Variants in PCGF3 observed in about 807,000 individuals in gnomAD.
PCGF3 encodes polycomb group RING finger protein 3.
Under a neutral mutation model 33.1 loss-of-function variants are expected in PCGF3, and 7 were observed. The ratio of observed to expected loss-of-function variants is 0.21; its 90% CI spans 0.12 to 0.40. The LOEUF (loss-of-function observed/expected upper bound fraction) is 0.40. Among genes scored for constraint, PCGF3 ranks in the 10% least tolerant of loss-of-function variants. The probability of loss-of-function intolerance (pLI) is 1.00; values close to 1 mark genes in which losing one functional copy is unlikely to be tolerated. For synonymous variants in PCGF3, 153 were observed against 121.3 expected (o/e 1.26, Z -1.72); for missense variants, 211 against 313.3 (o/e 0.67, Z 2.46).
intron 9 of PCGF3, 90 bp from the exon 10 acceptor site, chr4:764,894 G>A: frequency 1.2e-6 from 1 of 825,496 alleles, no homozygotes; most frequent in Non-Finnish European, 2.1e-6. Context: ...GATTGGGGAG[G>A]GGCTGCAGAT....
At chr4:766,009 C>G (rs1394142561) in intron 10 of PCGF3, 23 bp from the exon 11 acceptor site, 1 of 1,612,900 alleles carries the variant, frequency 6.2e-7, no homozygotes, top group Non-Finnish European at 8.5e-7. Context: ...TAAGCAGGCA[C>G]TGTGCGTTCT....
rs1468496596 is a variant in PCGF3, at chr4:720,309, C to T, written c.-189-10321C>T. Among the ~76,000 whole-genome samples the T allele has an allele frequency of 1.3e-5, 2 of 151,878 alleles. No homozygotes were observed. Among genetic ancestry groups the T allele is most frequent in the African/African-American group, 2.4e-5 (1 of 41,356 alleles). ...GCGGGAGGAGTGCCCGCCCATGCATCGCTGGGGAGGGTGACTGCGGGAGGA... is the reference window on the plus strand; with the variant it reads ...GCGGGAGGAGTGCCCGCCCATGCATTGCTGGGGAGGGTGACTGCGGGAGGA... On this transcript the variant is annotated intron_variant, in intron 1 of 10. Transcript: ENST00000362003. The surrounding 1 kb of genome is among the most constrained non-coding windows in gnomAD (Gnocchi z 5.6).
At chr4:739,536 C>T (rs1472221857) in intron 6 of PCGF3, among the ~76,000 whole-genome samples, 3 of 152,236 alleles carry the variant, frequency 2.0e-5, no homozygotes, top group Non-Finnish European at 2.9e-5. Context: ...ACCACTGACT[C>T]ACGGGCCTCC....
At chr4:762,481 C>G (rs73222811) in intron 9 of PCGF3, 1 of 152,190 alleles carries the variant, frequency 6.6e-6, no homozygotes, top group Non-Finnish European at 1.5e-5. Flanking sequence ...GAGTTAGGGC[C>G]TGGGGGAGGC....
chr4:715,064 G>A (rs1742751305), intron 1 of PCGF3, among the ~76,000 whole-genome samples: 1 of 149,210 alleles, frequency 6.7e-6, no homozygotes, highest in Admixed American at 6.7e-5. Context: ...TAGACACTGA[G>A]TGTGAGAACT....
At chr4:748,439 G>C (rs1184378754) in intron 8 of PCGF3, among the ~76,000 whole-genome samples, 1 of 152,170 alleles carries the variant, frequency 6.6e-6, no homozygotes, top group Non-Finnish European at 1.5e-5. Context: ...GCCCGCCTCA[G>C]CCTCCCAAAG....
chr4:752,471 C>T (rs1227882281), intron 8 of PCGF3, among the ~76,000 whole-genome samples: 1 of 152,218 alleles, frequency 6.6e-6, no homozygotes, highest in Non-Finnish European at 1.5e-5. Flanking sequence ...TGCACGGCCA[C>T]AGCTGTTCCG....
chr4:764,801 A>C, intron 9 of PCGF3, 183 bp from the exon 10 acceptor site: 1 of 575,098 alleles, frequency 1.7e-6, no homozygotes, highest in South Asian at 2.0e-5. Flanking sequence ...TAGGGACCAC[A>C]CTCCATCTCT....
At chr4:753,497 A>G (rs1397953985) in intron 8 of PCGF3, among the ~76,000 whole-genome samples, 2 of 152,156 alleles carry the variant, frequency 1.3e-5, no homozygotes, top group East Asian at 3.9e-4. Context: ...TACTAAAAAT[A>G]CAAAAAATTA....
At chr4:735,172 C>A in intron 5 of PCGF3, 145 bp downstream of exon 5, 3 of 886,028 alleles carry the variant, frequency 3.4e-6, no homozygotes, top group Non-Finnish European at 5.1e-6. Flanking sequence ...CCAGGAGCTG[C>A]ACACGAAGAA....
chr4:708,701 G>T (rs1051528871), intron 1 of PCGF3, among the ~76,000 whole-genome samples: 10 of 152,120 alleles, frequency 6.6e-5, no homozygotes, highest in Admixed American at 6.6e-4. Context: ...AACCCCTCCT[G>T]CCCCTCTCCC....
intron 1 of PCGF3, among the ~76,000 whole-genome samples, chr4:728,180 C>A (rs10028398): frequency 0.037 from 5,565 of 152,290 alleles, 363 homozygotes; most frequent in African/African-American, 0.13. Context: ...CGGCCAGCTC[C>A]CCCGAATCCA....
chr4:717,568 C>T lies in PCGF3; in HGVS notation c.-190+11598C>T, dbSNP rs187529452. ...CTAATTTTTGTATTTATATTAGCGACGGGGTTTCACTGTATTGGCCAAGCT... is the reference window on the plus strand; with the variant it reads ...CTAATTTTTGTATTTATATTAGCGATGGGGTTTCACTGTATTGGCCAAGCT... On this transcript the variant is annotated intron_variant, in intron 1 of 10. Transcript: ENST00000362003. Among the ~76,000 whole-genome samples, 63 of 152,234 alleles carry T rather than the reference C, an allele frequency of 4.1e-4. No homozygotes were observed. In the East Asian group the frequency reaches 7.1e-3, roughly 17 times the overall value.
chr4:716,874 G>A (rs557365534), intron 1 of PCGF3, among the ~76,000 whole-genome samples: 1 of 147,174 alleles, frequency 6.8e-6, no homozygotes, highest in South Asian at 2.2e-4. Context: ...TGAGAACTGG[G>A]CGTCGGTGCT....
At chr4:731,180 G>T in intron 3 of PCGF3, 70 bp downstream of exon 3, 1 of 398,516 alleles carries the variant, frequency 2.5e-6, no homozygotes, top group Non-Finnish European at 4.4e-6. Context: ...TGGTTGTGGC[G>T]AGGGCCGGCG....
rs538361259 is a variant in PCGF3, at chr4:720,574, C to T, written c.-189-10056C>T. Among the ~76,000 whole-genome samples, 1 of 148,558 alleles carries T rather than the reference C, an allele frequency of 6.7e-6. No individual in the cohort carries two copies. Among genetic ancestry groups the T allele is most frequent in the East Asian group, 2.0e-4 (1 of 4,990 alleles). ...GGACGCAGCCCCGACGTGAACAGGA[C>T]CCCACGTGGACGGGCAGTGACGTGC... On this transcript the variant is annotated intron_variant, in intron 1 of 10. Coordinates refer to ENST00000362003, the Ensembl canonical transcript of PCGF3. The surrounding 1 kb of genome is among the most constrained non-coding windows in gnomAD (Gnocchi z 5.6).
At chr4:714,387 C>T (rs1022842399) in intron 1 of PCGF3, among the ~76,000 whole-genome samples, 2 of 152,198 alleles carry the variant, frequency 1.3e-5, no homozygotes, top group Admixed American at 1.3e-4. Context: ...TGAGCGGCTC[C>T]GGACAGGAGC....
chr4:768,589 A>G (rs546816084), exon 11 of PCGF3: 37 of 152,320 alleles, frequency 2.4e-4, no homozygotes, highest in African/African-American at 8.4e-4. Flanking sequence ...CAGTGGGGCT[A>G]ATTACCCGGA....
At chr4:742,266 G>A (rs12502944) in intron 6 of PCGF3, among the ~76,000 whole-genome samples, 30,817 of 151,196 alleles carry the variant, frequency 0.2, 3,665 homozygotes, top group Middle Eastern at 0.27. Flanking sequence ...CCAGGCTCAC[G>A]GGGCATCCTC....
Sources: allele counts gnomAD v4.1 joint callset (sites outside exome capture counted in the v4.1 genomes callset), GRCh38; gene constraint gnomAD v4.1.1; non-coding constraint Gnocchi (gnomAD v3.1); transcripts MANE v1.5; gene names NCBI Gene and HGNC (gene_info 2026-07-23, HGNC 2026-07-21).